NKAIN2: variants seen among roughly 807,000 people sequenced by gnomAD.
The protein encoded by NKAIN2 is sodium/potassium-transporting ATPase subunit beta-1-interacting protein 2.
NKAIN2 carries 14 observed loss-of-function variants against 32.6 expected under a neutral mutation model. The observed-to-expected ratio is 0.43, with a 90% CI of 0.28 to 0.67. The LOEUF is 0.67. Among genes scored for constraint, NKAIN2 ranks in the 30% least tolerant of loss-of-function variants. The probability of loss-of-function intolerance (pLI) is 0.17; values close to 1 mark genes in which losing one functional copy is unlikely to be tolerated. For missense variants in NKAIN2, 198 were observed against 258.3 expected, an observed-to-expected ratio of 0.77 and a Z score of 1.60; for synonymous variants, 80 against 87.2, an observed-to-expected ratio of 0.92 and a Z score of 0.46.
At position 124,481,975 on chromosome 6, in the gene NKAIN2, C is replaced by CA. The variant is rs1221867308; in HGVS notation, c.273+126635dup. Among the ~76,000 whole-genome samples the CA allele has an allele frequency of 2.0e-5, 3 of 151,986 alleles. No individual in the cohort carries two copies. The South Asian group carries it at 6.2e-4, about 32-fold the overall frequency. On this transcript the variant is annotated intron_variant, in intron 3 of 6. Coordinates refer to ENST00000368417, the MANE Select transcript of NKAIN2 (RefSeq NM_001040214.3). ...GACTGTGGCAAATTTTATAGAGATT[C>CA]AAAAAAATGTTCAAAAAGTTTTCTT... is the stretch of plus-strand genomic sequence containing the variant.
rs181873741 is a variant in NKAIN2, at chr6:124,079,660, C to T, written c.55-203345C>T. ...ATATGCTTTACCGACTTTTAGCTAT[C>T]CTCCTTTTTTCCTCTTTCTGCTTAG... On this transcript the variant is annotated intron_variant, in intron 1 of 6. Coordinates refer to ENST00000368417, the MANE Select transcript of NKAIN2 (RefSeq NM_001040214.3). 5.3e-4 allele frequency among the ~76,000 whole-genome samples: 80 copies of T among 152,232 alleles called. 1 individual carries two copies. The highest frequency in any genetic ancestry group is 2.8e-3 in the Admixed American group (43 of 15,280).
chr6:124,344,694 CTT>C (rs1475762224), intron 2 of NKAIN2, among the ~76,000 whole-genome samples: 1 of 152,140 alleles, frequency 6.6e-6, no homozygotes, highest in African/African-American at 2.4e-5. Flanking sequence ...TATCCTGAGA[CTT>C]TGCTGAAGTT....
intron 3 of NKAIN2, among the ~76,000 whole-genome samples, chr6:124,407,154 T>G (rs1773897574): frequency 6.6e-6 from 1 of 152,098 alleles, no homozygotes; most frequent in Non-Finnish European, 1.5e-5. Context: ...AATTTTATAG[T>G]TTTAGGATTT....
At chr6:124,820,384 T>C (rs1333769877) in intron 6 of NKAIN2, among the ~76,000 whole-genome samples, 1 of 152,112 alleles carries the variant, frequency 6.6e-6, no homozygotes, top group African/African-American at 2.4e-5. Flanking sequence ...ACCTGCAAAA[T>C]AGAGATCGCA....
At chr6:124,469,340 G>A (rs553334983) in intron 3 of NKAIN2, among the ~76,000 whole-genome samples, 4 of 152,228 alleles carry the variant, frequency 2.6e-5, no homozygotes, top group Non-Finnish European at 2.9e-5. Context: ...CTAGCCTTAT[G>A]AAAAATAATT....
At chr6:124,028,408 G>A in intron 1 of NKAIN2, among the ~76,000 whole-genome samples, 1 of 123,628 alleles carries the variant, frequency 8.1e-6, no homozygotes, top group Non-Finnish European at 1.7e-5. Context: ...GGGGGAGGGG[G>A]GAGGGATAGC....
At chr6:124,648,704 G>C (rs1784263776) in intron 3 of NKAIN2, among the ~76,000 whole-genome samples, 1 of 152,140 alleles carries the variant, frequency 6.6e-6, no homozygotes, top group South Asian at 2.1e-4. Flanking sequence ...TGAAGTATTG[G>C]ACCATGTAGA....
chr6:124,421,929 C>G (rs536568322), intron 3 of NKAIN2, among the ~76,000 whole-genome samples: 2 of 152,102 alleles, frequency 1.3e-5, no homozygotes, highest in Non-Finnish European at 2.9e-5. Flanking sequence ...CAATTGCCTT[C>G]TGTTCAAAAT....
At chr6:123,854,355 G>A (rs1343376762) in intron 1 of NKAIN2, among the ~76,000 whole-genome samples, 1 of 152,016 alleles carries the variant, frequency 6.6e-6, no homozygotes, top group Non-Finnish European at 1.5e-5. Context: ...ATTGCCTTTG[G>A]TAGCTTATAC....
chr6:124,662,795 T>C (rs1028244404), intron 4 of NKAIN2, among the ~76,000 whole-genome samples: 1 of 152,252 alleles, frequency 6.6e-6, no homozygotes, highest in Non-Finnish European at 1.5e-5. Flanking sequence ...AGTGGCCTTA[T>C]TGTGCATGTT....
chr6:124,583,472 G>T (rs895365867), intron 3 of NKAIN2, among the ~76,000 whole-genome samples: 4 of 151,916 alleles, frequency 2.6e-5, no homozygotes, highest in Non-Finnish European at 5.9e-5. Flanking sequence ...AAATTGAAAA[G>T]AATACAAAAA....
At position 124,093,693 on chromosome 6, in the gene NKAIN2, A is replaced by C. The variant is rs547394146; in HGVS notation, c.55-189312A>C. On this transcript the variant is annotated intron_variant, in intron 1 of 6. Transcript: ENST00000368417. ...CTATGGTCCTAGCAACATTTACGAC[A>C]GGAAAATTGATTGTATTATTTCCCT... is the stretch of plus-strand genomic sequence containing the variant. Among the ~76,000 whole-genome samples the C allele has an allele frequency of 1.2e-4, 19 of 152,254 alleles. No individual in the cohort carries two copies. The South Asian group carries it at 3.1e-3, about 25-fold the overall frequency.
chr6:124,192,415 T>C (rs937520692), intron 1 of NKAIN2, among the ~76,000 whole-genome samples: 1 of 152,194 alleles, frequency 6.6e-6, no homozygotes, highest in Non-Finnish European at 1.5e-5. Context: ...ACTTTACTGA[T>C]AGTGATTTCT....
chr6:123,950,375 G>A (rs1472044076), intron 1 of NKAIN2, among the ~76,000 whole-genome samples: 2 of 151,960 alleles, frequency 1.3e-5, no homozygotes, highest in Admixed American at 6.6e-5. Flanking sequence ...GAGAATTGGT[G>A]CTAGTTCTTC....
chr6:123,854,771 G>A (rs919443470), intron 1 of NKAIN2, among the ~76,000 whole-genome samples: 1 of 152,142 alleles, frequency 6.6e-6, no homozygotes, highest in Non-Finnish European at 1.5e-5. Context: ...GAGGGTGGGT[G>A]CCCTCACTGA....
chr6:124,152,352 A>C (rs1237229903), intron 1 of NKAIN2, among the ~76,000 whole-genome samples: 1 of 152,000 alleles, frequency 6.6e-6, no homozygotes, highest in East Asian at 1.9e-4. Context: ...TAATTAATAC[A>C]GTTTCACAAT....
At chr6:124,179,075 T>C (rs1789307257) in intron 1 of NKAIN2, among the ~76,000 whole-genome samples, 1 of 152,208 alleles carries the variant, frequency 6.6e-6, no homozygotes, top group Non-Finnish European at 1.5e-5. Context: ...GACTTTAAAA[T>C]TGTTAGCTTG....
chr6:124,012,097 T>G (rs1394833933), intron 1 of NKAIN2, among the ~76,000 whole-genome samples: 1 of 152,112 alleles, frequency 6.6e-6, no homozygotes, highest in Admixed American at 6.5e-5. Flanking sequence ...AAGTACACCA[T>G]GTTGATATAT....
At chr6:124,698,031 CAG>C (rs1286954823) in intron 4 of NKAIN2, among the ~76,000 whole-genome samples, 1 of 152,174 alleles carries the variant, frequency 6.6e-6, no homozygotes, top group Admixed American at 6.5e-5. Context: ...AGCAAATACA[CAG>C]AGACAGATGG....
Sources: gnomAD v4.1 joint callset for allele counts (sites outside exome capture counted in the v4.1 genomes callset) on GRCh38, gnomAD v4.1.1 for gene constraint, MANE v1.5 for transcripts, NCBI Gene and HGNC (gene_info 2026-07-23, HGNC 2026-07-21) for gene names.